The following MARCHF1 variants were observed in gnomAD, a reference collection of about 807,000 sequenced individuals.
The protein encoded by MARCHF1 is E3 ubiquitin-protein ligase MARCHF1.
MARCHF1 carries 40 observed loss-of-function variants against 54.2 expected under a neutral mutation model. That is an observed-to-expected ratio of 0.74 (90% CI 0.57 to 0.96). The LOEUF (loss-of-function observed/expected upper bound fraction) is 0.96, where lower values mean the gene tolerates loss of function less well. Among genes scored for constraint, MARCHF1 ranks in the 40% least tolerant of loss-of-function variants. MARCHF1 has a pLI of 0.00. For synonymous variants in MARCHF1, 236 were observed against 236.3 expected (o/e 1.00, Z 0.01); for missense variants, 586 against 656.5 (o/e 0.89, Z 1.17).
At chr4:163,531,719 GATT>G (rs1262535023) in intron 9 of MARCHF1, among the ~76,000 whole-genome samples, 1 of 151,610 alleles carries the variant, frequency 6.6e-6, no homozygotes, top group Non-Finnish European at 1.5e-5. Flanking sequence ...TTAAATAGGT[GATT>G]ATGACAATGT....
intron 4 of MARCHF1, among the ~76,000 whole-genome samples, chr4:163,845,637 T>C (rs781262410): frequency 7.2e-5 from 11 of 152,118 alleles, no homozygotes; most frequent in Non-Finnish European, 1.3e-4. Context: ...TAAACATCTT[T>C]CGGAGGAACT....
At position 163,541,689 on chromosome 4, in the gene MARCHF1, A is replaced by G. The variant is rs902685099; in HGVS notation, c.1339+3907T>C. Among the ~76,000 whole-genome samples the G allele has an allele frequency of 1.4e-4, 22 of 152,150 alleles. No homozygotes were observed. The East Asian group carries it at 3.8e-3, about 27-fold the overall frequency. On this transcript the variant is annotated intron_variant, in intron 9 of 9. Coordinates refer to ENST00000514618, the MANE Select transcript of MARCHF1 (RefSeq NM_001394959.1). ...TTTTGCTGTTTTATATTCAACCTCA[A>G]TTCTGGCTGAAAAAGGACAAATTTG...
At chr4:164,335,451 T>G (rs1257293230) in intron 1 of MARCHF1, among the ~76,000 whole-genome samples, 4 of 152,032 alleles carry the variant, frequency 2.6e-5, no homozygotes, top group African/African-American at 9.7e-5. Context: ...GCGTGGTGGC[T>G]TGCGCCTATA....
chr4:163,589,273 C>T (rs1055709239), intron 7 of MARCHF1, among the ~76,000 whole-genome samples: 1 of 152,084 alleles, frequency 6.6e-6, no homozygotes, highest in Non-Finnish European at 1.5e-5. Context: ...AGTTTACTAT[C>T]GTCCAGCTTC....
At chr4:164,348,022 A>G (rs1730160035) in intron 1 of MARCHF1, among the ~76,000 whole-genome samples, 1 of 152,242 alleles carries the variant, frequency 6.6e-6, no homozygotes, top group Admixed American at 6.5e-5. Flanking sequence ...GAGGGCAGGC[A>G]GAATTAAATG....
chr4:163,634,121 G>T (rs973526573), intron 5 of MARCHF1, among the ~76,000 whole-genome samples: 2 of 152,146 alleles, frequency 1.3e-5, no homozygotes, highest in Admixed American at 6.5e-5. Flanking sequence ...AGGAACAACC[G>T]GTACCAGCTG....
chr4:163,759,270 T>C (rs1009777951), intron 4 of MARCHF1, among the ~76,000 whole-genome samples: 1 of 152,114 alleles, frequency 6.6e-6, no homozygotes, highest in Non-Finnish European at 1.5e-5. Flanking sequence ...GTCAATAACA[T>C]AATACACACA....
chr4:164,098,675 T>C (rs1379629067), intron 2 of MARCHF1, among the ~76,000 whole-genome samples: 2 of 152,220 alleles, frequency 1.3e-5, no homozygotes, highest in African/African-American at 4.8e-5. Context: ...AATGAAGATC[T>C]TTTCATGATC....
chr4:163,699,476 T>A (rs1446714762), intron 5 of MARCHF1, among the ~76,000 whole-genome samples: 2 of 152,230 alleles, frequency 1.3e-5, no homozygotes, highest in African/African-American at 4.8e-5. Context: ...ATGTTGATAC[T>A]GTGGTCACAA....
chr4:163,664,121 A>G (rs1310587793), intron 5 of MARCHF1, among the ~76,000 whole-genome samples: 3 of 152,158 alleles, frequency 2.0e-5, no homozygotes, highest in African/African-American at 7.2e-5. Context: ...AAAGCCTGAC[A>G]AAATGTTTAA....
At chr4:164,215,627 C>T (rs1387848533) in intron 1 of MARCHF1, among the ~76,000 whole-genome samples, 1 of 152,066 alleles carries the variant, frequency 6.6e-6, no homozygotes, top group Non-Finnish European at 1.5e-5. Context: ...ACATCCGTTC[C>T]GTATCAAAAT....
intron 4 of MARCHF1, among the ~76,000 whole-genome samples, chr4:163,707,715 C>A (rs1297219515): frequency 6.8e-6 from 1 of 148,138 alleles, no homozygotes; most frequent in Admixed American, 6.9e-5. Flanking sequence ...GAATCTCTCC[C>A]AGAGAAATAC....
chr4:163,910,661 A>AT (rs1018830803), intron 3 of MARCHF1, among the ~76,000 whole-genome samples: 9 of 152,010 alleles, frequency 5.9e-5, no homozygotes, highest in African/African-American at 1.7e-4. Flanking sequence ...TGCCCAGCTA[A>AT]TTTTTTTGTA....
chr4:163,670,881 A>T (rs1242995460), intron 5 of MARCHF1, among the ~76,000 whole-genome samples: 1 of 152,104 alleles, frequency 6.6e-6, no homozygotes, highest in Non-Finnish European at 1.5e-5. Flanking sequence ...TTTCCTTTTT[A>T]GCTTCCTGTA....
chr4:164,219,735 G>A (rs1732035213), intron 1 of MARCHF1, among the ~76,000 whole-genome samples: 1 of 151,896 alleles, frequency 6.6e-6, no homozygotes, highest in Admixed American at 6.6e-5. Context: ...AAAGTCCAAT[G>A]ACTCGGATCA....
intron 5 of MARCHF1, among the ~76,000 whole-genome samples, chr4:163,681,391 G>T (rs555373080): frequency 6.2e-4 from 95 of 152,262 alleles, no homozygotes; most frequent in African/African-American, 2.1e-3. Context: ...AGTTACACAG[G>T]TAGTATACTG....
intron 1 of MARCHF1, among the ~76,000 whole-genome samples, chr4:164,255,671 GAGAA>G (rs1291936345): frequency 6.6e-6 from 1 of 151,970 alleles, no homozygotes; most frequent in Non-Finnish European, 1.5e-5. Context: ...AAATAAAAAA[GAGAA>G]AGTTTTCAAA....
intron 2 of MARCHF1, among the ~76,000 whole-genome samples, chr4:164,083,750 T>C (rs371021000): frequency 4.6e-5 from 7 of 152,074 alleles, no homozygotes; most frequent in South Asian, 2.1e-4. Flanking sequence ...CAATTCTGCT[T>C]CAGTCACATT....
chr4:163,594,517 C>A (rs1369858994), intron 7 of MARCHF1, among the ~76,000 whole-genome samples: 1 of 151,748 alleles, frequency 6.6e-6, no homozygotes, highest in Admixed American at 6.6e-5. Flanking sequence ...CAAACACACA[C>A]ACAAACTAAC....
Sources: allele counts gnomAD v4.1 joint callset (sites outside exome capture counted in the v4.1 genomes callset), GRCh38; gene constraint gnomAD v4.1.1; transcripts MANE v1.5; gene names NCBI Gene and HGNC (gene_info 2026-07-23, HGNC 2026-07-21).